The following B3GAT2 variants were observed in gnomAD, a reference collection of about 807,000 sequenced individuals.
B3GAT2 encodes beta-1,3-glucuronyltransferase 2.
Under a neutral mutation model 27.8 loss-of-function variants are expected in B3GAT2, and 26 were observed. That is an observed-to-expected ratio of 0.93 (90% confidence interval 0.68 to 1.30). The LOEUF is 1.30. Among genes scored for constraint, B3GAT2 ranks in the 50% most tolerant of loss-of-function variants. The pLI is 0.00. For synonymous variants in B3GAT2, 218 were observed against 195.1 expected (o/e 1.12, Z -0.98); for missense variants, 458 against 459.0 (o/e 1.00, Z 0.02).
At chr6:70,899,627 A>G (rs1772459612) in intron 1 of B3GAT2, among the ~76,000 whole-genome samples, 1 of 152,230 alleles carries the variant, frequency 6.6e-6, no homozygotes, top group Non-Finnish European at 1.5e-5. Flanking sequence ...TGCCCTGCTG[A>G]AATTCCATGC....
chr6:70,924,060 TA>T (rs1291496434), intron 1 of B3GAT2, among the ~76,000 whole-genome samples: 1 of 152,130 alleles, frequency 6.6e-6, no homozygotes, highest in African/African-American at 2.4e-5. Flanking sequence ...ATGGATACCA[TA>T]AAAGTCCTGA....
At chr6:70,891,511 C>T (rs115807750) in intron 2 of B3GAT2, among the ~76,000 whole-genome samples, 117 of 152,226 alleles carry the variant, frequency 7.7e-4, no homozygotes, top group African/African-American at 2.6e-3. Flanking sequence ...CATGAAACAT[C>T]GCAGTTTCAA....
rs1765645555 is a variant in B3GAT2, at chr6:70,955,857, A to G, written c.573T>C (p.Ser191=). ...CCTTTACCTCCTGGAAGAGCTCCAG[A>G]CTATAGGTGTTGTCGTCGTCAGCGA... ...LFFADDDNTY[S]LELFQEMRTT... Residue 191 remains serine (S), a synonymous_variant, in exon 1 of 4, where the codon AGT becomes AGC. Coordinates refer to ENST00000230053, the MANE Select transcript of B3GAT2 (RefSeq NM_080742.3). The G allele has an allele frequency of 1.2e-6, 2 of 1,600,194 alleles. No homozygotes were observed. Among genetic ancestry groups the G allele is most frequent in the South Asian group, 1.1e-5 (1 of 89,506 alleles).
At chr6:70,927,851 A>G (rs930934446) in intron 1 of B3GAT2, among the ~76,000 whole-genome samples, 11 of 152,248 alleles carry the variant, frequency 7.2e-5, no homozygotes, top group African/African-American at 2.4e-4. Flanking sequence ...AGACACATAC[A>G]GAACTCTCCA....
At chr6:70,904,329 G>A (rs1034899504) in intron 1 of B3GAT2, among the ~76,000 whole-genome samples, 2 of 152,202 alleles carry the variant, frequency 1.3e-5, no homozygotes, top group Admixed American at 6.5e-5. Flanking sequence ...GTACACTTTC[G>A]TTTAGGTAAA....
chr6:70,886,657 G>C (rs1364961478), intron 2 of B3GAT2, among the ~76,000 whole-genome samples: 1 of 152,002 alleles, frequency 6.6e-6, no homozygotes, highest in African/African-American at 2.4e-5. Flanking sequence ...TCCAGAGCAA[G>C]CACCCTGAGT....
intron 1 of B3GAT2, among the ~76,000 whole-genome samples, chr6:70,946,646 C>A (rs1049901262): frequency 1.8e-4 from 27 of 152,130 alleles, no homozygotes; most frequent in African/African-American, 6.5e-4. Flanking sequence ...ACTTTAACAC[C>A]CCACTGTCAA....
chr6:70,909,708 C>T (rs1726417615), intron 1 of B3GAT2, among the ~76,000 whole-genome samples: 1 of 152,190 alleles, frequency 6.6e-6, no homozygotes, highest in Admixed American at 6.5e-5. Context: ...CACTGCCCAA[C>T]CTTCTCTATC....
intron 1 of B3GAT2, among the ~76,000 whole-genome samples, chr6:70,910,753 T>C (rs1174228637): frequency 6.6e-6 from 1 of 152,220 alleles, no homozygotes; most frequent in Admixed American, 6.5e-5. Flanking sequence ...ATTGCCACCC[T>C]GTTTTCCACA....
At chr6:70,913,044 T>C (rs1416419468) in intron 1 of B3GAT2, among the ~76,000 whole-genome samples, 5 of 152,188 alleles carry the variant, frequency 3.3e-5, no homozygotes, top group African/African-American at 9.6e-5. Context: ...ATTAAGTTTA[T>C]TTGGATCTGC....
In B3GAT2 at chr6:70,857,290, A is replaced by G. The variant is rs1426418944; in HGVS notation, c.*4373T>C. The stretch of plus-strand genomic sequence containing the variant: ...ATGTTGTTTCACAAGCTTATAGAAC[A>G]TGGATTATCTTTGATGAATTATTGA... On this transcript the variant is annotated 3_prime_UTR_variant, in exon 4 of 4. Transcript: ENST00000230053. The G allele has an allele frequency of 7.0e-6, 2 of 287,686 alleles. No individual in the cohort carries two copies. The highest frequency in any genetic ancestry group is 2.2e-5 in the African/African-American group (1 of 46,178). 17.8% of individuals were successfully genotyped at this position (287,686 alleles called of 1,614,324 possible).
At chr6:70,930,868 T>C (rs1057177895) in intron 1 of B3GAT2, among the ~76,000 whole-genome samples, 13 of 152,148 alleles carry the variant, frequency 8.5e-5, no homozygotes. Context: ...CATGCTATTA[T>C]AAAGACACAT....
chr6:70,858,722 G>T lies in B3GAT2; in HGVS notation c.*2941C>A. On this transcript the variant is annotated 3_prime_UTR_variant, in exon 4 of 4. Coordinates refer to ENST00000230053, the MANE Select transcript of B3GAT2 (RefSeq NM_080742.3). ...ATGAGGGATCTAAGGCTATTTTTCA[G>T]GTCGGATGATTACTGCCCCATGGCT... The T allele has an allele frequency of 6.5e-6, 1 of 153,316 alleles. No individual in the cohort carries two copies. Among genetic ancestry groups the T allele is most frequent in the Non-Finnish European group, 1.5e-5 (1 of 68,836 alleles). The allele number at this position is 153,316 out of a possible 1,614,324, so 9.5% of individuals were successfully genotyped here. A position where few individuals can be genotyped will look rare whatever the true frequency, so the allele number is the denominator to read the frequency against.
intron 1 of B3GAT2, among the ~76,000 whole-genome samples, chr6:70,938,259 CAA>C (rs767427930): frequency 0.26 from 24,647 of 94,628 alleles, 2,105 homozygotes; most frequent in East Asian, 0.41. Flanking sequence ...AAAGAGGATA[CAA>C]ACAAATGGAA....
At chr6:70,924,053 G>T (rs1474772085) in intron 1 of B3GAT2, among the ~76,000 whole-genome samples, 1 of 152,102 alleles carries the variant, frequency 6.6e-6, no homozygotes, top group South Asian at 2.1e-4. Context: ...TTGAGTGATG[G>T]ATACCATAAA....
At chr6:70,899,687 T>A (rs1457809500) in intron 1 of B3GAT2, among the ~76,000 whole-genome samples, 1 of 152,180 alleles carries the variant, frequency 6.6e-6, no homozygotes, top group Non-Finnish European at 1.5e-5. Context: ...CACTATACTA[T>A]ATAGAGTGTG....
intron 1 of B3GAT2, among the ~76,000 whole-genome samples, chr6:70,933,866 G>T (rs997403351): frequency 6.6e-6 from 1 of 152,112 alleles, no homozygotes; most frequent in Non-Finnish European, 1.5e-5. Flanking sequence ...AATAGAGAGT[G>T]AAGTTACTCT....
intron 1 of B3GAT2, among the ~76,000 whole-genome samples, chr6:70,914,306 C>T (rs1409732917): frequency 1.3e-5 from 2 of 152,048 alleles, no homozygotes; most frequent in African/African-American, 4.8e-5. Context: ...TGACAGGCCC[C>T]GGTGTGTGAT....
intron 1 of B3GAT2, among the ~76,000 whole-genome samples, chr6:70,934,760 T>C (rs1773115001): frequency 6.6e-6 from 1 of 152,202 alleles, no homozygotes; most frequent in Admixed American, 6.5e-5. Context: ...GTTGACCTAA[T>C]AGGAATGAAA....
Sources: allele counts gnomAD v4.1 joint callset (sites outside exome capture counted in the v4.1 genomes callset), GRCh38; gene constraint gnomAD v4.1.1; transcripts MANE v1.5; gene names NCBI Gene and HGNC (gene_info 2026-07-23, HGNC 2026-07-21).